PCDHB7: variants seen among roughly 807,000 people sequenced by gnomAD.
PCDHB7 encodes the protein protocadherin beta 7.
For synonymous variants in PCDHB7, 542 were observed against 463.1 expected (o/e 1.17, Z -2.19); for missense variants, 1,148 against 1,011.6 (o/e 1.13, Z -1.83).
chr5:141,173,372 T>C lies in PCDHB7; in HGVS notation c.537T>C (p.His179=). The C allele has an allele frequency of 1.2e-6, 2 of 1,613,998 alleles. No individual in the cohort carries two copies. Among genetic ancestry groups the C allele is most frequent in the Non-Finnish European group, 1.7e-6 (2 of 1,179,906 alleles). ...NYTISPNAYF[H]INVHDSGEGN... is the part of the protein sequence containing the mutation. ...CCATCAGCCCCAATGCCTATTTCCATATTAATGTCCATGATAGCGGGGAGG... is the reference window on the plus strand; with the variant it reads ...CCATCAGCCCCAATGCCTATTTCCACATTAATGTCCATGATAGCGGGGAGG... Residue 179 remains histidine (H), a synonymous_variant, in exon 1 of 1, where the codon CAT becomes CAC. Coordinates refer to ENST00000231137, the MANE Select transcript of PCDHB7 (RefSeq NM_018940.4).
Position 141,175,453 on chromosome 5 carries a change from A to T in PCDHB7, c.*236A>T, listed in dbSNP as rs1439016051. Reference sequence around the variant, plus strand: ...AATTATGCTTAATATACAGTCTATTAAATGTAAGTCTTGTTTGAGATATTT... The same window carrying T: ...AATTATGCTTAATATACAGTCTATTTAATGTAAGTCTTGTTTGAGATATTT... On this transcript the variant is annotated 3_prime_UTR_variant, in exon 1 of 1. Coordinates refer to ENST00000231137, the MANE Select transcript of PCDHB7 (RefSeq NM_018940.4). The T allele has an allele frequency of 2.1e-5, 12 of 558,730 alleles. No individual in the cohort carries two copies. The East Asian group carries it at 4.6e-4, about 22-fold the overall frequency. 34.6% of individuals were successfully genotyped at this position (558,730 alleles called of 1,614,324 possible).
chr5:141,172,898 G>T lies in PCDHB7; in HGVS notation c.63G>T (p.Leu21=), dbSNP rs1273388879. 1.2e-6 allele frequency: 2 copies of T among 1,614,178 alleles called. No homozygotes were observed. The highest frequency in any genetic ancestry group is 1.3e-5 in the African/African-American group (1 of 75,052). The part of the protein sequence containing the change: ...KRQVLFLCVF[L]GMSWAGAEPL... Reference sequence around the variant, plus strand: ...AAGTCTTATTTCTTTGTGTATTTCTGGGAATGTCTTGGGCTGGCGCCGAAC... The same window carrying T: ...AAGTCTTATTTCTTTGTGTATTTCTTGGAATGTCTTGGGCTGGCGCCGAAC... Residue 21 remains leucine (L), a synonymous_variant, in exon 1 of 1, where the codon CTG becomes CTT. Coordinates refer to ENST00000231137, the MANE Select transcript of PCDHB7 (RefSeq NM_018940.4).
rs782635712 is a variant in PCDHB7, at chr5:141,174,832, T to C, written c.1997T>C (p.Phe666Ser). The C allele has an allele frequency of 1.2e-5, 19 of 1,612,250 alleles. No individual in the cohort carries two copies. In the Middle Eastern group the frequency reaches 7.6e-4, roughly 64 times the overall value. The change falls in exon 1 of 1, where the codon TTC becomes TCC. Residue 666 changes from phenylalanine to serine, a missense_variant. Phe to Ser is a radical substitution (Grantham distance 155). Coordinates refer to ENST00000231137, the MANE Select transcript of PCDHB7 (RefSeq NM_018940.4). ...CTGCACGTGCTCCTGGTGGACGGCT[T>C]CTCCCAGCCCTACCTGCGGCTCCCG... is the stretch of plus-strand genomic sequence containing the variant. ...ATLHVLLVDG[F>S]SQPYLRLPEA...
At position 141,174,144 on chromosome 5, in the gene PCDHB7, A is replaced by G. The variant is rs782186241; in HGVS notation, c.1309A>G (p.Ile437Val). 1 of 1,613,814 alleles carries G rather than the reference A, an allele frequency of 6.2e-7. No individual in the cohort carries two copies. Among genetic ancestry groups the G allele is most frequent in the Non-Finnish European group, 8.5e-7 (1 of 1,179,858 alleles). ...GTPRLKTEHN[I>V]TVLVSDVNDN... ...ACCCAGGCTGAAAACCGAGCACAAC[A>G]TAACCGTGCTGGTCTCCGACGTCAA... Residue 437 changes from isoleucine to valine, a missense_variant, in exon 1 of 1, where the codon ATA (isoleucine) becomes GTA (valine). Coordinates refer to ENST00000231137, the MANE Select transcript of PCDHB7 (RefSeq NM_018940.4).
chr5:141,173,223 G>A lies in PCDHB7; in HGVS notation c.388G>A (p.Ala130Thr), dbSNP rs1554279943. Residue 130 changes from alanine (A) to threonine (T), a missense_variant, in exon 1 of 1, where the codon GCT (alanine) becomes ACT (threonine). Physicochemically the swap from Ala to Thr is moderately conservative, Grantham distance 58. Coordinates refer to ENST00000231137, the MANE Select transcript of PCDHB7 (RefSeq NM_018940.4). ...ELWVRDINDH[A>T]PVFLDREISL... is the part of the protein sequence containing the mutation. ...ATGGGTCAGAGACATCAATGATCAC[G>A]CTCCAGTATTTCTAGACAGAGAGAT... 2.5e-6 allele frequency: 4 copies of A among 1,614,030 alleles called. No individual in the cohort carries two copies. Among genetic ancestry groups the A allele is most frequent in the Middle Eastern group, 1.6e-4 (1 of 6,062 alleles).
rs1554280308 is a variant in PCDHB7, at chr5:141,174,755, G to A, written c.1920G>A (p.Leu640=). 2.5e-6 allele frequency: 4 copies of A among 1,611,156 alleles called. No individual in the cohort carries two copies. The highest frequency in any genetic ancestry group is 4.5e-5 in the East Asian group (2 of 44,882). ...LSERDAAKQR[L]VVLVKDNGEP... is the part of the protein sequence containing the mutation. ...AGCGCGACGCAGCCAAGCAGAGGCT[G>A]GTGGTGCTGGTCAAGGACAATGGCG... Residue 640 remains leucine (L), a synonymous_variant, in exon 1 of 1, where the codon CTG becomes CTA. Transcript: ENST00000231137.
At position 141,173,460 on chromosome 5, in the gene PCDHB7, A is replaced by T; in HGVS notation, c.625A>T (p.Ser209Cys). 1 of 1,614,218 alleles carries T rather than the reference A, an allele frequency of 6.2e-7. No individual in the cohort carries two copies. Among genetic ancestry groups the T allele is most frequent in the Non-Finnish European group, 8.5e-7 (1 of 1,180,038 alleles). The stretch of plus-strand genomic sequence containing the variant: ...GGATCGGGAAGAGATACCAGAGTTC[A>T]GTTTAACCCTCACCGCTTTAGACGG... ...VLDREEIPEFSLTLTALDGGS... is the reference protein window; with the variant it reads ...VLDREEIPEFCLTLTALDGGS... The change falls in exon 1 of 1, where the codon AGT becomes TGT. Residue 209 changes from serine (S) to cysteine (C), a missense_variant. By Grantham distance (112) the Ser-to-Cys change is moderately radical. Coordinates refer to ENST00000231137, the MANE Select transcript of PCDHB7 (RefSeq NM_018940.4).
At position 141,173,343 on chromosome 5, in the gene PCDHB7, T is replaced by C. The variant is rs1229321602; in HGVS notation, c.508T>C (p.Tyr170His). 1.9e-6 allele frequency: 3 copies of C among 1,613,822 alleles called. No individual in the cohort carries two copies. The highest frequency in any genetic ancestry group is 2.2e-5 in the East Asian group (1 of 44,894). ...TGTTGGAACCAACAGCCTGAGTAAC[T>C]ACACCATCAGCCCCAATGCCTATTT... is the stretch of plus-strand genomic sequence containing the variant. ...SDVGTNSLSN[Y>H]TISPNAYFHI... The change falls in exon 1 of 1, where the codon TAC becomes CAC. Residue 170 changes from tyrosine (Y) to histidine (H), a missense_variant. Coordinates refer to ENST00000231137, the MANE Select transcript of PCDHB7 (RefSeq NM_018940.4).
chr5:141,174,403 C>A lies in PCDHB7; in HGVS notation c.1568C>A (p.Ala523Asp). 6.2e-7 allele frequency: 1 copy of A among 1,612,466 alleles called. No homozygotes were observed. ...GCCCTCAGGTCCCTGGACTACGAGG[C>A]CCTGCAGGCGTTCGAGTTCCGCGTG... ...LFALRSLDYE[A>D]LQAFEFRVGA... Residue 523 changes from alanine to aspartate, a missense_variant, in exon 1 of 1, where the codon GCC (alanine) becomes GAC (aspartate). Ala to Asp is a moderately radical substitution (Grantham distance 126). Transcript: ENST00000231137.
In PCDHB7 at chr5:141,174,108, G is replaced by A. The variant is rs147934905; in HGVS notation, c.1273G>A (p.Asp425Asn). Residue 425 changes from aspartate to asparagine, a missense_variant, in exon 1 of 1, where the codon GAC becomes AAC. Coordinates refer to ENST00000231137, the MANE Select transcript of PCDHB7 (RefSeq NM_018940.4). ...TEYNITITVT[D>N]LGTPRLKTEH... The stretch of plus-strand genomic sequence containing the variant: ...GTACAACATCACCATCACCGTCACC[G>A]ACTTGGGGACACCCAGGCTGAAAAC... 2 of 1,614,118 alleles carry A rather than the reference G, an allele frequency of 1.2e-6. No individual in the cohort carries two copies. The highest frequency in any genetic ancestry group is 1.7e-6 in the Non-Finnish European group (2 of 1,180,042).
chr5:141,174,464 C>G lies in PCDHB7; in HGVS notation c.1629C>G (p.Ser543Arg). Residue 543 changes from serine to arginine, a missense_variant, in exon 1 of 1, where the codon AGC becomes AGG. By Grantham distance (110) the Ser-to-Arg change is moderately radical. Transcript: ENST00000231137. Reference sequence around the variant, plus strand: ...ACCGCGGCTCCCCCGCGCTGAGCAGCGAGGCGCTGGTGCGCGTGCTGGTGC... The same window carrying G: ...ACCGCGGCTCCCCCGCGCTGAGCAGGGAGGCGCTGGTGCGCGTGCTGGTGC... Reference protein sequence around the residue: ...ATDRGSPALSSEALVRVLVLD... With the variant: ...ATDRGSPALSREALVRVLVLD... 6.2e-7 allele frequency: 1 copy of G among 1,611,532 alleles called. No homozygotes were observed. Among genetic ancestry groups the G allele is most frequent in the Non-Finnish European group, 8.5e-7 (1 of 1,179,678 alleles).
chr5:141,173,177 T>C lies in PCDHB7; in HGVS notation c.342T>C (p.Phe114=), dbSNP rs782298659. The stretch of plus-strand genomic sequence containing the variant: ...TCCAGTTGTTATTGGAAAAACCTTT[T>C]CAGATTTTCCGTGCTGAACTATGGG... ...LPFQLLLEKP[F]QIFRAELWVR... is the part of the protein sequence containing the mutation. Residue 114 remains phenylalanine, a synonymous_variant, in exon 1 of 1, where the codon TTT becomes TTC. Coordinates refer to ENST00000231137, the MANE Select transcript of PCDHB7 (RefSeq NM_018940.4). 2 of 1,613,840 alleles carry C rather than the reference T, an allele frequency of 1.2e-6. No homozygotes were observed. The highest frequency in any genetic ancestry group is 1.3e-5 in the African/African-American group (1 of 74,998).
In PCDHB7 at chr5:141,174,196, C is replaced by A. The variant is rs782214130; in HGVS notation, c.1361C>A (p.Thr454Asn). ...VNDNAPAFTQ[T>N]SYTLFVRENN... Reference sequence around the variant, plus strand: ...GACAACGCTCCCGCCTTCACCCAAACCTCCTACACCCTGTTTGTCCGTGAG... The same window carrying A: ...GACAACGCTCCCGCCTTCACCCAAAACTCCTACACCCTGTTTGTCCGTGAG... The change falls in exon 1 of 1, where the codon ACC becomes AAC. Residue 454 changes from threonine to asparagine, a missense_variant. Physicochemically the swap from Thr to Asn is moderately conservative, Grantham distance 65. Transcript: ENST00000231137. The A allele has an allele frequency of 1.2e-6, 2 of 1,613,380 alleles. No individual in the cohort carries two copies. The highest frequency in any genetic ancestry group is 1.3e-5 in the African/African-American group (1 of 74,934).
rs1227951096 is a variant in PCDHB7, at chr5:141,174,579, C to T, written c.1744C>T (p.Pro582Ser). The T allele has an allele frequency of 3.7e-6, 6 of 1,610,196 alleles. No individual in the cohort carries two copies. Among genetic ancestry groups the T allele is most frequent in the South Asian group, 1.1e-5 (1 of 90,968 alleles). The change falls in exon 1 of 1, where the codon CCG becomes TCG. Residue 582 changes from proline (P) to serine (S), a missense_variant. By Grantham distance (74) the Pro-to-Ser change is moderately conservative. Transcript: ENST00000231137. ...CGAGCCGTTGCCCCGGGCGGCCGAG[C>T]CGGGCTACCTGGTGACCAAGGTGGT... Reference protein sequence around the residue: ...CTEPLPRAAEPGYLVTKVVAV... With the variant: ...CTEPLPRAAESGYLVTKVVAV...
Position 141,175,286 on chromosome 5 carries a change from T to A in PCDHB7, c.*69T>A. On this transcript the variant is annotated 3_prime_UTR_variant, in exon 1 of 1. Transcript: ENST00000231137. ...TTAGGAACTTATTGCGAGGTTCCCT[T>A]AAGGGAGTGTCTTTACATCATTTCA... is the stretch of plus-strand genomic sequence containing the variant. 1 of 1,420,994 alleles carries A rather than the reference T, an allele frequency of 7.0e-7. No homozygotes were observed. The allele number at this position is 1,420,994 out of a possible 1,614,324, so 88.0% of individuals were successfully genotyped here.
In PCDHB7 at chr5:141,174,411, G is replaced by A. The variant is rs146429251; in HGVS notation, c.1576G>A (p.Ala526Thr). 316 of 1,612,350 alleles carry A rather than the reference G, an allele frequency of 2.0e-4. 1 individual carries two copies. The African/African-American group carries it at 3.8e-3, about 19-fold the overall frequency. Residue 526 changes from alanine (A) to threonine (T), a missense_variant, in exon 1 of 1, where the codon GCG (alanine) becomes ACG (threonine). Physicochemically the swap from Ala to Thr is moderately conservative, Grantham distance 58. Transcript: ENST00000231137. The stretch of plus-strand genomic sequence containing the variant: ...GTCCCTGGACTACGAGGCCCTGCAG[G>A]CGTTCGAGTTCCGCGTGGGCGCCAC... ...LRSLDYEALQ[A>T]FEFRVGATDR...
rs782528648 is a variant in PCDHB7 at position 141,174,828 on chromosome 5, G to A, written c.1993G>A (p.Gly665Ser). 12 of 1,612,290 alleles carry A rather than the reference G, an allele frequency of 7.4e-6. 2 individuals carry two copies. The South Asian group carries it at 1.3e-4, about 18-fold the overall frequency. ...TATLHVLLVD[G>S]FSQPYLRLPE... ...CACGCTGCACGTGCTCCTGGTGGAC[G>A]GCTTCTCCCAGCCCTACCTGCGGCT... Residue 665 changes from glycine (G) to serine (S), a missense_variant, in exon 1 of 1, where the codon GGC becomes AGC. Coordinates refer to ENST00000231137, the MANE Select transcript of PCDHB7 (RefSeq NM_018940.4).
Position 141,175,342 on chromosome 5 carries a change from T to C in PCDHB7, c.*125T>C. The C allele has an allele frequency of 9.4e-7, 1 of 1,060,202 alleles. No homozygotes were observed. The highest frequency in any genetic ancestry group is 1.8e-5 in the South Asian group (1 of 56,644). The allele number at this position is 1,060,202 out of a possible 1,614,324, so 65.7% of individuals were successfully genotyped here. On this transcript the variant is annotated 3_prime_UTR_variant, in exon 1 of 1. Coordinates refer to ENST00000231137, the MANE Select transcript of PCDHB7 (RefSeq NM_018940.4). ...GTACTCTTGAAGTCAAGCAATAAAT[T>C]TCTATACATAAAATAGGATCCTGAT... is the stretch of plus-strand genomic sequence containing the variant.
chr5:141,173,387 T>C lies in PCDHB7; in HGVS notation c.552T>C (p.Asp184=). ...CCTATTTCCATATTAATGTCCATGA[T>C]AGCGGGGAGGGGAATATCTATCCCG... is the stretch of plus-strand genomic sequence containing the variant. The part of the protein sequence containing the change: ...PNAYFHINVH[D]SGEGNIYPEL... The change falls in exon 1 of 1, where the codon GAT becomes GAC. Residue 184 remains aspartate (D), a synonymous_variant. Coordinates refer to ENST00000231137, the MANE Select transcript of PCDHB7 (RefSeq NM_018940.4). 6.2e-7 allele frequency: 1 copy of C among 1,614,142 alleles called. No homozygotes were observed. Among genetic ancestry groups the C allele is most frequent in the Non-Finnish European group, 8.5e-7 (1 of 1,179,990 alleles).
Sources: allele counts gnomAD v4.1 joint callset, GRCh38; gene constraint gnomAD v4.1.1; transcripts MANE v1.5; gene names NCBI Gene and HGNC (gene_info 2026-07-23, HGNC 2026-07-21).